Variants in MTNR1A observed in about 807,000 individuals in gnomAD.
MTNR1A encodes the protein melatonin receptor type 1A.
In MTNR1A, 7 loss-of-function variants were observed where a neutral mutation model predicts 5.5. The ratio of observed to expected loss-of-function variants is 1.28; its 90% CI spans 0.73 to 2.40. MTNR1A has a LOEUF of 2.40. Among genes scored for constraint, MTNR1A ranks in the 30% most tolerant of loss-of-function variants. The pLI is 0.00. For missense variants in MTNR1A, 441 were observed against 464.4 expected, an observed-to-expected ratio of 0.95 and a Z score of 0.46; for synonymous variants, 196 against 202.7, an observed-to-expected ratio of 0.97 and a Z score of 0.28.
chr4:186,540,114 T>C (rs1326839302), intron 1 of MTNR1A, among the ~76,000 whole-genome samples: 1 of 152,146 alleles, frequency 6.6e-6, no homozygotes, highest in African/African-American at 2.4e-5. Context: ...CTCCCCCTTA[T>C]AGAACCATCA....
In MTNR1A at chr4:186,547,092, CCT is replaced by C. The variant is rs1491133703; in HGVS notation, c.184+8088_184+8089del. Among the ~76,000 whole-genome samples, 16 of 48,510 alleles carry C rather than the reference CCT, an allele frequency of 3.3e-4. 1 individual carries two copies. The highest frequency in any genetic ancestry group is 3.9e-4 in the Non-Finnish European group (8 of 20,776). The allele number at this position is 48,510 out of a possible 152,430, so 31.8% of individuals were successfully genotyped here. ...ACACCCTGTTCGTGGGACACACCGT[CCT>C]CACACCCTGTTCCTGGGACACACCG... On this transcript the variant is annotated intron_variant, in intron 1 of 1. Transcript: ENST00000307161.
chr4:186,550,471 T>C (rs2375801), intron 1 of MTNR1A, among the ~76,000 whole-genome samples: 51,878 of 152,050 alleles, frequency 0.34, 9,088 homozygotes, highest in East Asian at 0.55. Context: ...ATTCTGTTGA[T>C]TATTTTTAAA....
Position 186,541,702 on chromosome 4 carries a change from G to T in MTNR1A, c.185-7145C>A, listed in dbSNP as rs190661486. On this transcript the variant is annotated intron_variant, in intron 1 of 1. Coordinates refer to ENST00000307161, the MANE Select transcript of MTNR1A (RefSeq NM_005958.4). ...ACCCTATCGTGAACTCCATGTGAGGGATCTAGGCTACACCCTCCTTATGAG... is the reference window on the plus strand; with the variant it reads ...ACCCTATCGTGAACTCCATGTGAGGTATCTAGGCTACACCCTCCTTATGAG... 2.8e-4 allele frequency among the ~76,000 whole-genome samples: 43 copies of T among 152,284 alleles called. No individual in the cohort carries two copies. In the East Asian group the frequency reaches 6.4e-3, roughly 23 times the overall value.
chr4:186,538,668 A>G (rs1375212873), intron 1 of MTNR1A, among the ~76,000 whole-genome samples: 1 of 152,178 alleles, frequency 6.6e-6, no homozygotes, highest in Non-Finnish European at 1.5e-5. Context: ...CAGAAGCGAA[A>G]ACCTCAAATA....
Position 186,555,025 on chromosome 4 carries a change from C to A in MTNR1A, c.184+157G>T, listed in dbSNP as rs549101709. Among the ~76,000 whole-genome samples the A allele has an allele frequency of 1.1e-4, 17 of 152,300 alleles. No individual in the cohort carries two copies. The highest frequency in any genetic ancestry group is 3.8e-4 in the African/African-American group (16 of 41,568). On this transcript the variant is annotated intron_variant, in intron 1 of 1. Transcript: ENST00000307161. The surrounding 1 kb of genome is among the most constrained non-coding windows in gnomAD (Gnocchi z 4.1). ...TCCGCGCCTTATGAAAAGGCACTTTCAACGGGCAGGCTGGAGAAGAGTCCT... is the reference window on the plus strand; with the variant it reads ...TCCGCGCCTTATGAAAAGGCACTTTAAACGGGCAGGCTGGAGAAGAGTCCT...
At position 186,545,885 on chromosome 4, in the gene MTNR1A, G is replaced by C. The variant is rs1215708633; in HGVS notation, c.184+9297C>G. On this transcript the variant is annotated intron_variant, in intron 1 of 1. Coordinates refer to ENST00000307161, the MANE Select transcript of MTNR1A (RefSeq NM_005958.4). ...TATTCTCTGGCAGTACAAGGGAAAG[G>C]GAAGGGCTTTACTTCGAGGCATCAA... 2.0e-5 allele frequency among the ~76,000 whole-genome samples: 3 copies of C among 152,146 alleles called. 1 individual carries two copies. The highest frequency in any genetic ancestry group is 4.4e-5 in the Non-Finnish European group (3 of 68,032).
chr4:186,536,823 AGC>A (rs1736865812), intron 1 of MTNR1A, among the ~76,000 whole-genome samples: 1 of 152,244 alleles, frequency 6.6e-6, no homozygotes, highest in Non-Finnish European at 1.5e-5. Flanking sequence ...ACTTTCAATT[AGC>A]GTTGAAACAT....
intron 1 of MTNR1A, among the ~76,000 whole-genome samples, chr4:186,542,305 T>C (rs1444839108): frequency 6.6e-6 from 1 of 152,154 alleles, no homozygotes; most frequent in African/African-American, 2.4e-5. Flanking sequence ...GGATGTGCCT[T>C]TCCTACCTTT....
chr4:186,548,810 G>GATATATATATAT lies in MTNR1A; in HGVS notation c.184+6360_184+6371dup, dbSNP rs71595106. On this transcript the variant is annotated intron_variant, in intron 1 of 1. Transcript: ENST00000307161. ...AGATAAGGAATGCTTAATCTATAAAGATATATATATATATATATATATATA... is the reference window on the plus strand; with the variant it reads ...AGATAAGGAATGCTTAATCTATAAAGATATATATATATATATATATATATATATATATATATA... 9.0e-3 allele frequency among the ~76,000 whole-genome samples: 490 copies of GATATATATATAT among 54,488 alleles called. 20 individuals carry two copies. Among genetic ancestry groups the GATATATATATAT allele is most frequent in the Non-Finnish European group, 0.011 (315 of 29,316 alleles). 35.7% of individuals were successfully genotyped at this position (54,488 alleles called of 152,430 possible).
intron 1 of MTNR1A, among the ~76,000 whole-genome samples, chr4:186,550,620 G>A (rs1164432175): frequency 6.6e-6 from 1 of 151,944 alleles, no homozygotes; most frequent in African/African-American, 2.4e-5. Context: ...AATAGAAGGA[G>A]GTCTAATCTA....
At chr4:186,546,811 A>G (rs1737157978) in intron 1 of MTNR1A, among the ~76,000 whole-genome samples, 3 of 148,520 alleles carry the variant, frequency 2.0e-5, no homozygotes, top group African/African-American at 5.1e-5. Flanking sequence ...CGTCCACACC[A>G]CACCCTGTTC....
At chr4:186,534,601 A>C (rs756266580) in intron 1 of MTNR1A, 44 bp from the exon 2 acceptor site, 1 of 1,595,404 alleles carries the variant, frequency 6.3e-7, no homozygotes, top group Non-Finnish European at 8.5e-7. Context: ...ACCAGTTCAC[A>C]GTGGGTTTTC....
At position 186,555,551 on chromosome 4, in the gene MTNR1A, A is replaced by G. The variant is rs1336286544; in HGVS notation, c.-186T>C. On this transcript the variant is annotated 5_prime_UTR_variant, in exon 1 of 2. Coordinates refer to ENST00000307161, the MANE Select transcript of MTNR1A (RefSeq NM_005958.4). The surrounding 1 kb of genome is among the most constrained non-coding windows in gnomAD (Gnocchi z 4.1). ...CAGGTGACACCTGGTGTCCGCCGCG[A>G]GCCCGCTTGGATTCCCCGCCCGCAG... The G allele has an allele frequency of 3.0e-6, 1 of 337,252 alleles. No homozygotes were observed. Among genetic ancestry groups the G allele is most frequent in the Non-Finnish European group, 5.0e-6 (1 of 200,754 alleles). The allele number at this position is 337,252 out of a possible 1,614,324, so 20.9% of individuals were successfully genotyped here. A position where few individuals can be genotyped will look rare whatever the true frequency, so the allele number is the denominator to read the frequency against.
At position 186,540,811 on chromosome 4, in the gene MTNR1A, GGACCAGGTGCTGTCTGACT is replaced by G. The variant is rs1448874885; in HGVS notation, c.185-6273_185-6255del. On this transcript the variant is annotated intron_variant, in intron 1 of 1. Coordinates refer to ENST00000307161, the MANE Select transcript of MTNR1A (RefSeq NM_005958.4). ...AAGGACCAGGTGCTGTCTGACTGAAGGACCAGGTGCTGTCTGACTGAAGGACCAGGTGCTGTCTGACTGA... is the reference window on the plus strand; with the variant it reads ...AAGGACCAGGTGCTGTCTGACTGAAGGAAGGACCAGGTGCTGTCTGACTGA... 2.1e-4 allele frequency among the ~76,000 whole-genome samples: 32 copies of G among 149,746 alleles called. No individual in the cohort carries two copies. In the East Asian group the frequency reaches 2.6e-3, roughly 12 times the overall value.
intron 1 of MTNR1A, among the ~76,000 whole-genome samples, chr4:186,548,846 TAC>T (rs55857192): frequency 0.12 from 5,824 of 50,070 alleles, 633 homozygotes; most frequent in East Asian, 0.21. Flanking sequence ...TATATATATA[TAC>T]ACTATATATG....
chr4:186,542,708 TA>T (rs1364863707), intron 1 of MTNR1A, among the ~76,000 whole-genome samples: 1 of 152,180 alleles, frequency 6.6e-6, no homozygotes, highest in African/African-American at 2.4e-5. Flanking sequence ...GGTGATACCC[TA>T]GCAAAATGTT....
At chr4:186,539,584 T>C (rs1187029211) in intron 1 of MTNR1A, among the ~76,000 whole-genome samples, 1 of 152,134 alleles carries the variant, frequency 6.6e-6, no homozygotes, top group Non-Finnish European at 1.5e-5. Context: ...AGTGCCTTTA[T>C]AAAAGAGGTG....
rs537171957 is a variant in MTNR1A, at chr4:186,537,893, G to C, written c.185-3336C>G. Among the ~76,000 whole-genome samples, 3 of 152,354 alleles carry C rather than the reference G, an allele frequency of 2.0e-5. No homozygotes were observed. The East Asian group carries it at 5.8e-4, about 29-fold the overall frequency. On this transcript the variant is annotated intron_variant, in intron 1 of 1. Transcript: ENST00000307161. ...ATGGGGGAGGAAAACACCTAAGTCA[G>C]TATGCTGGCAACAAGACGAACAGCG...
intron 1 of MTNR1A, 85 bp from the exon 2 acceptor site, chr4:186,534,642 T>G (rs190248427): frequency 1.1e-5 from 16 of 1,490,022 alleles, no homozygotes; most frequent in Non-Finnish European, 1.4e-5. Flanking sequence ...GAGCTGCTTC[T>G]GCAGCTCCGA....
Sources: allele counts gnomAD v4.1 joint callset (sites outside exome capture counted in the v4.1 genomes callset), GRCh38; gene constraint gnomAD v4.1.1; non-coding constraint Gnocchi (gnomAD v3.1); transcripts MANE v1.5; gene names NCBI Gene and HGNC (gene_info 2026-07-23, HGNC 2026-07-21).